ITGB3BP: variants seen among roughly 807,000 people sequenced by gnomAD.
The protein encoded by ITGB3BP is integrin subunit beta 3 binding protein.
In ITGB3BP, 27 loss-of-function variants were observed where a neutral mutation model predicts 29.1. That is an observed-to-expected ratio of 0.93 (90% CI 0.68 to 1.28). The LOEUF (loss-of-function observed/expected upper bound fraction) is 1.28, where lower values mean the gene tolerates loss of function less well. ITGB3BP is among the 50% of genes most tolerant of loss of function. ITGB3BP has a pLI of 0.00. For missense variants in ITGB3BP, 192 were observed against 200.2 expected (o/e 0.96, Z 0.25); for synonymous variants, 61 against 61.4 (o/e 0.99, Z 0.03).
At chr1:63,457,523 T>C (rs1473989040) in intron 4 of ITGB3BP, 1 of 152,206 alleles carries the variant, frequency 6.6e-6, no homozygotes, top group Non-Finnish European at 1.5e-5. Flanking sequence ...TACTAATTTG[T>C]TTATTCCTGA....
At chr1:63,464,471 G>GA (rs1645068147) in intron 4 of ITGB3BP, among the ~76,000 whole-genome samples, 1 of 152,062 alleles carries the variant, frequency 6.6e-6, no homozygotes, top group African/African-American at 2.4e-5. Context: ...GGAAGTCAAG[G>GA]AAAAACCTTG....
intron 7 of ITGB3BP, among the ~76,000 whole-genome samples, chr1:63,450,253 A>T (rs960016230): frequency 6.6e-6 from 1 of 151,994 alleles, no homozygotes; most frequent in Non-Finnish European, 1.5e-5. Flanking sequence ...CATTTCATTT[A>T]AAATATGCAT....
chr1:63,522,964 G>A, intron 1 of ITGB3BP, 165 bp downstream of exon 1: 1 of 818,150 alleles, frequency 1.2e-6, no homozygotes. Flanking sequence ...CGCTGGAGGA[G>A]ACGTAGAGTT....
chr1:63,511,426 C>T (rs1180650317), intron 1 of ITGB3BP, among the ~76,000 whole-genome samples: 1 of 152,088 alleles, frequency 6.6e-6, no homozygotes, highest in Non-Finnish European at 1.5e-5. Flanking sequence ...CCATATGATT[C>T]CATGATTCCA....
chr1:63,494,289 G>C (rs1034786771), intron 2 of ITGB3BP, among the ~76,000 whole-genome samples: 11 of 152,000 alleles, frequency 7.2e-5, no homozygotes, highest in Non-Finnish European at 1.2e-4. Flanking sequence ...CGGCTAATTT[G>C]TGTATTTTTA....
At chr1:63,466,510 C>T (rs77611378) in intron 4 of ITGB3BP, among the ~76,000 whole-genome samples, 3 of 152,322 alleles carry the variant, frequency 2.0e-5, no homozygotes, top group East Asian at 3.9e-4. Context: ...TAAAGCTGTA[C>T]GTTTCATCAC....
At chr1:63,443,273 T>C (rs541159174) in intron 8 of ITGB3BP, 2 of 152,188 alleles carry the variant, frequency 1.3e-5, no homozygotes, top group African/African-American at 4.8e-5. Flanking sequence ...ATGACAAATA[T>C]ACAAAAGAGC....
intron 8 of ITGB3BP, among the ~76,000 whole-genome samples, chr1:63,445,478 A>G (rs185698763): frequency 6.6e-6 from 1 of 152,364 alleles, no homozygotes; most frequent in Admixed American, 6.5e-5. Context: ...GGAAGCTAAT[A>G]TTAATCACTT....
Position 63,456,270 on chromosome 1 carries a change from CAA to C in ITGB3BP, c.255-1304_255-1303del, listed in dbSNP as rs1387277514. 6.6e-5 allele frequency among the ~76,000 whole-genome samples: 10 copies of C among 152,136 alleles called. No individual in the cohort carries two copies. The East Asian group carries it at 7.7e-4, about 12-fold the overall frequency. ...TTTATCTAAGTATGCGAACAAGAAA[CAA>C]GAGACTTTTGATAGCATTATGAAAA... On this transcript the variant is annotated intron_variant, in intron 4 of 8. Transcript: ENST00000271002.
chr1:63,495,711 TG>T (rs1645769785), intron 2 of ITGB3BP, among the ~76,000 whole-genome samples: 1 of 152,116 alleles, frequency 6.6e-6, no homozygotes, highest in Non-Finnish European at 1.5e-5. Flanking sequence ...ATTCTAACCA[TG>T]CTATTCAAGC....
intron 1 of ITGB3BP, among the ~76,000 whole-genome samples, chr1:63,517,199 A>G (rs1379383148): frequency 6.6e-6 from 1 of 152,006 alleles, no homozygotes; most frequent in Non-Finnish European, 1.5e-5. Flanking sequence ...AGCAAAACTT[A>G]AAAAGAAATG....
Position 63,472,443 on chromosome 1 carries a change from TCCCTCTCCCCTCTC to T in ITGB3BP, c.254+6307_254+6320del, listed in dbSNP as rs139724962. 4.2e-3 allele frequency among the ~76,000 whole-genome samples: 381 copies of T among 90,404 alleles called. 6 individuals are homozygous for T. Among genetic ancestry groups the T allele is most frequent in the African/African-American group, 0.017 (359 of 21,732 alleles). The allele number at this position is 90,404 out of a possible 152,430, so 59.3% of individuals were successfully genotyped here. A position where few individuals can be genotyped will look rare whatever the true frequency, so the allele number is the denominator to read the frequency against. The stretch of plus-strand genomic sequence containing the variant: ...TTAAAACTGATCCACCCTCTCCCTC[TCCCTCTCCCCTCTC>T]CCCTCTCCCCTCTCCCCTCTCTCCT... On this transcript the variant is annotated intron_variant, in intron 4 of 8. Coordinates refer to ENST00000271002, the MANE Select transcript of ITGB3BP (RefSeq NM_014288.5).
chr1:63,503,764 T>C (rs961421539), intron 2 of ITGB3BP, among the ~76,000 whole-genome samples: 7 of 152,224 alleles, frequency 4.6e-5, no homozygotes, highest in African/African-American at 9.6e-5. Flanking sequence ...ATTTATTAAA[T>C]AGGGAATCGT....
rs753271109 is a variant in ITGB3BP, at chr1:63,454,466, T to G, written c.341A>C (p.Glu114Ala). 6.3e-7 allele frequency: 1 copy of G among 1,575,662 alleles called. No homozygotes were observed. Among genetic ancestry groups the G allele is most frequent in the Non-Finnish European group, 8.7e-7 (1 of 1,151,504 alleles). Residue 114 changes from glutamate to alanine, a missense_variant, in exon 6 of 9, where the codon GAG (glutamate) becomes GCG (alanine). Physicochemically the swap from Glu to Ala is moderately radical, Grantham distance 107. Coordinates refer to ENST00000271002, the MANE Select transcript of ITGB3BP (RefSeq NM_014288.5). The surrounding 1 kb of genome is among the most constrained non-coding windows in gnomAD (Gnocchi z 4.1). ...GAGATTTTCAAGCTCTCTACTGCCCTCCAAAGCCTACAAGAAAGTCATCTT... is the reference window on the plus strand; with the variant it reads ...GAGATTTTCAAGCTCTCTACTGCCCGCCAAAGCCTACAAGAAAGTCATCTT... ...MQNLSSIQALEGSRELENLIG... is the reference protein window; with the variant it reads ...MQNLSSIQALAGSRELENLIG...
intron 8 of ITGB3BP, 34 bp downstream of exon 8, chr1:63,446,772 A>C: frequency 1.4e-6 from 2 of 1,451,764 alleles, no homozygotes; most frequent in Non-Finnish European, 1.9e-6. Context: ...GAAATTTCAC[A>C]AGGTTAAACT....
intron 2 of ITGB3BP, among the ~76,000 whole-genome samples, chr1:63,494,040 A>C (rs1274240727): frequency 6.6e-6 from 1 of 152,194 alleles, no homozygotes; most frequent in African/African-American, 2.4e-5. Context: ...ACTAGTACTA[A>C]TTATGAAATT....
At chr1:63,446,916 T>C in intron 7 of ITGB3BP, 60 bp from the exon 8 acceptor site, 1 of 1,201,458 alleles carries the variant, frequency 8.3e-7, no homozygotes, top group Non-Finnish European at 1.2e-6. Context: ...CTTGCCACAG[T>C]ATATGATGCA....
chr1:63,474,901 A>C (rs1217632962), intron 4 of ITGB3BP, among the ~76,000 whole-genome samples: 1 of 35,918 alleles, frequency 2.8e-5, no homozygotes, highest in East Asian at 1.1e-3. Flanking sequence ...AAAAAAAAAA[A>C]TAAATAAATA....
chr1:63,456,310 T>G (rs1488867215), intron 4 of ITGB3BP, among the ~76,000 whole-genome samples: 2 of 152,176 alleles, frequency 1.3e-5, no homozygotes, highest in African/African-American at 4.8e-5. Context: ...CTAAAAATTA[T>G]GAGGACAGTG....
Sources: allele counts gnomAD v4.1 joint callset (sites outside exome capture counted in the v4.1 genomes callset), GRCh38; gene constraint gnomAD v4.1.1; non-coding constraint Gnocchi (gnomAD v3.1); transcripts MANE v1.5; gene names NCBI Gene and HGNC (gene_info 2026-07-23, HGNC 2026-07-21).